The following HEATR5A variants were observed in gnomAD, a reference collection of about 807,000 sequenced individuals.
HEATR5A encodes the protein HEAT repeat containing 5A.
Under a neutral mutation model 218.8 loss-of-function variants are expected in HEATR5A, and 178 were observed. That is an observed-to-expected ratio of 0.81 (90% CI 0.72 to 0.92). The LOEUF (loss-of-function observed/expected upper bound fraction) is 0.92, where lower values mean the gene tolerates loss of function less well. HEATR5A is among the 40% of genes least tolerant of loss of function. The probability of loss-of-function intolerance (pLI) is 0.00; values close to 1 mark genes in which losing one functional copy is unlikely to be tolerated. For synonymous variants in HEATR5A, 864 were observed against 871.6 expected, an observed-to-expected ratio of 0.99 and a Z score of 0.15; for missense variants, 2,420 against 2,418.9, an observed-to-expected ratio of 1.00 and a Z score of -0.01.
chr14:31,355,808 C>T (rs981796021), intron 16 of HEATR5A, among the ~76,000 whole-genome samples: 9 of 152,168 alleles, frequency 5.9e-5, no homozygotes, highest in Non-Finnish European at 8.8e-5. Flanking sequence ...AACATTTTTA[C>T]GTTAGAACCC....
At chr14:31,332,639 A>G (rs767730954) in intron 22 of HEATR5A, among the ~76,000 whole-genome samples, 23 of 152,230 alleles carry the variant, frequency 1.5e-4, no homozygotes, top group Admixed American at 3.9e-4. Context: ...CAGTGAACAC[A>G]CAAATGATAA....
Position 31,350,664 on chromosome 14 carries a change from C to A in HEATR5A, c.2465G>T (p.Arg822Leu), listed in dbSNP as rs61754154. Residue 822 changes from arginine to leucine, a missense_variant, in exon 17 of 36, where the codon CGT becomes CTT. Physicochemically the swap from Arg to Leu is moderately radical, Grantham distance 102. Coordinates refer to ENST00000543095, the MANE Select transcript of HEATR5A (RefSeq NM_015473.4). ...LDSIKHTKGA[R>L]QQVVQLHVVS... ...AACATGTAACTGAACCACTTGCTGACGAGCTCCTTTTGTGTGCTTTATACT... is the reference window on the plus strand; with the variant it reads ...AACATGTAACTGAACCACTTGCTGAAGAGCTCCTTTTGTGTGCTTTATACT... 3.5e-5 allele frequency: 56 copies of A among 1,603,050 alleles called. No homozygotes were observed. The highest frequency in any genetic ancestry group is 1.7e-4 in the Middle Eastern group (1 of 6,046).
intron 25 of HEATR5A, 78 bp downstream of exon 25, chr14:31,321,421 C>T (rs1367851146): frequency 3.5e-6 from 4 of 1,157,794 alleles, no homozygotes; most frequent in Non-Finnish European, 4.8e-6. Flanking sequence ...GGATTACAGG[C>T]ATGAGCCACC....
intron 24 of HEATR5A, among the ~76,000 whole-genome samples, chr14:31,322,206 T>A (rs1191397061): frequency 6.6e-6 from 1 of 152,196 alleles, no homozygotes; most frequent in Non-Finnish European, 1.5e-5. Flanking sequence ...TGGTAATTCC[T>A]TTCATTCCTA....
At chr14:31,334,338 G>C (rs1314499371) in intron 22 of HEATR5A, 3 of 443,700 alleles carry the variant, frequency 6.8e-6, no homozygotes, top group African/African-American at 6.1e-5. Context: ...ATTTTATAAG[G>C]CTACAGCTGC....
intron 34 of HEATR5A, 141 bp from the exon 35 acceptor site, chr14:31,294,245 C>T: frequency 1.6e-6 from 1 of 621,228 alleles, no homozygotes; most frequent in Admixed American, 2.9e-5. Context: ...CAAGGGCCAA[C>T]AGGTAATCAA....
chr14:31,307,656 C>G (rs1184362711), intron 30 of HEATR5A, among the ~76,000 whole-genome samples: 2 of 152,126 alleles, frequency 1.3e-5, no homozygotes, highest in African/African-American at 4.8e-5. Context: ...CAATATAGAA[C>G]CCTCCCATCA....
chr14:31,344,966 A>T, intron 20 of HEATR5A, 121 bp downstream of exon 20: 1 of 774,150 alleles, frequency 1.3e-6, no homozygotes, highest in Non-Finnish European at 2.1e-6. Context: ...AATGGCATTT[A>T]TACATTCATT....
intron 1 of HEATR5A, among the ~76,000 whole-genome samples, chr14:31,414,908 TC>T (rs1217363407): frequency 6.6e-6 from 1 of 152,164 alleles, no homozygotes; most frequent in Non-Finnish European, 1.5e-5. Context: ...TGGCACCATC[TC>T]AGCTCATTGC....
rs1345292724 is a variant in HEATR5A at position 31,357,729 on chromosome 14, G to A, written c.2411+908C>T. On this transcript the variant is annotated intron_variant, in intron 16 of 35. Coordinates refer to ENST00000543095, the MANE Select transcript of HEATR5A (RefSeq NM_015473.4). ...TTTTTCACATACAATAGCATAAGAT[G>A]GAAATCCCTACATAGTATGAGGTAT... Among the ~76,000 whole-genome samples, 2 of 152,146 alleles carry A rather than the reference G, an allele frequency of 1.3e-5. 1 individual carries two copies. The highest frequency in any genetic ancestry group is 4.8e-5 in the African/African-American group (2 of 41,426).
Position 31,307,003 on chromosome 14 carries a change from A to C in HEATR5A, c.4819-124T>G, listed in dbSNP as rs897805060. The C allele has an allele frequency of 2.4e-5, 19 of 781,546 alleles. No individual in the cohort carries two copies. In the African/African-American group the frequency reaches 3.0e-4, roughly 12 times the overall value. The allele number at this position is 781,546 out of a possible 1,614,324, so 48.4% of individuals were successfully genotyped here. ...AGAATGTAACAAATTGCTTTAGTGCAATAAAGTTAAGTAACGCTCCATTTT... is the reference window on the plus strand; with the variant it reads ...AGAATGTAACAAATTGCTTTAGTGCCATAAAGTTAAGTAACGCTCCATTTT... On this transcript the variant is annotated intron_variant, in intron 30 of 35. Transcript: ENST00000543095.
chr14:31,394,686 C>T (rs1321959239), intron 5 of HEATR5A, among the ~76,000 whole-genome samples: 2 of 152,048 alleles, frequency 1.3e-5, no homozygotes, highest in Non-Finnish European at 1.5e-5. Flanking sequence ...GGCATGGTGG[C>T]AGGCACCTGT....
intron 28 of HEATR5A, among the ~76,000 whole-genome samples, chr14:31,309,502 T>G (rs1325497487): frequency 1.3e-5 from 2 of 152,186 alleles, no homozygotes; most frequent in Non-Finnish European, 2.9e-5. Flanking sequence ...GTTATCAATG[T>G]TCTTATTTTT....
At chr14:31,347,202 A>G (rs531260674) in intron 19 of HEATR5A, among the ~76,000 whole-genome samples, 1 of 152,224 alleles carries the variant, frequency 6.6e-6, no homozygotes, top group Non-Finnish European at 1.5e-5. Flanking sequence ...TGCTGTTATT[A>G]TTATTTATTA....
At position 31,325,933 on chromosome 14, in the gene HEATR5A, TA is replaced by T; in HGVS notation, c.3547+229del. 8 of 566,152 alleles carry T rather than the reference TA, an allele frequency of 1.4e-5. No homozygotes were observed. The South Asian group carries it at 1.7e-4, about 12-fold the overall frequency. The allele number at this position is 566,152 out of a possible 1,614,324, so 35.1% of individuals were successfully genotyped here. A position where few individuals can be genotyped will look rare whatever the true frequency, so the allele number is the denominator to read the frequency against. On this transcript the variant is annotated intron_variant, in intron 23 of 35. Coordinates refer to ENST00000543095, the MANE Select transcript of HEATR5A (RefSeq NM_015473.4). ...ATTTGTTTTATATAGGAAAGTCATC[TA>T]AGACAGCCAAAGGGAAAAAGAGCAG...
rs1196458783 is a variant in HEATR5A at position 31,292,520 on chromosome 14, C to CCAAT, written c.*781_*784dup. 6.6e-6 allele frequency: 1 copy of CCAAT among 152,082 alleles called. No individual in the cohort carries two copies. Among genetic ancestry groups the CCAAT allele is most frequent in the African/African-American group, 2.4e-5 (1 of 41,404 alleles). 9.4% of individuals were successfully genotyped at this position (152,082 alleles called of 1,614,324 possible). ...TAGACCAGGTTTCCTAAATAGCTCT[C>CCAAT]CAATCATTTTATCTTCTTGGAGAAA... On this transcript the variant is annotated 3_prime_UTR_variant, in exon 36 of 36. Transcript: ENST00000543095.
intron 16 of HEATR5A, among the ~76,000 whole-genome samples, chr14:31,353,487 G>A (rs757571642): frequency 1.2e-4 from 18 of 152,056 alleles, no homozygotes; most frequent in Non-Finnish European, 1.2e-4. Context: ...TGTAATTCTA[G>A]CACTTTGGGC....
intron 1 of HEATR5A, among the ~76,000 whole-genome samples, chr14:31,404,171 G>C (rs2030976724): frequency 6.6e-6 from 1 of 152,098 alleles, no homozygotes; most frequent in Non-Finnish European, 1.5e-5. Flanking sequence ...CTATCATCAG[G>C]AACATTAAAG....
At chr14:31,365,000 C>G (rs11844137) in intron 13 of HEATR5A, among the ~76,000 whole-genome samples, 148,419 of 152,126 alleles carry the variant, frequency 0.98, 72,487 homozygotes, top group Middle Eastern at 1. Flanking sequence ...TTAGCCTCCC[C>G]AATAGCTGGG....
Sources: gnomAD v4.1 joint callset for allele counts (sites outside exome capture counted in the v4.1 genomes callset) on GRCh38, gnomAD v4.1.1 for gene constraint, MANE v1.5 for transcripts, NCBI Gene and HGNC (gene_info 2026-07-23, HGNC 2026-07-21) for gene names.